The following SGCE variants were observed in gnomAD, a reference collection of about 807,000 sequenced individuals.
The protein encoded by SGCE is sarcoglycan epsilon.
SGCE carries 26 observed loss-of-function variants against 57.8 expected under a neutral mutation model. The observed-to-expected ratio is 0.45, with a 90% CI of 0.33 to 0.62. SGCE has a LOEUF of 0.62. SGCE is among the 20% of genes least tolerant of loss of function. The pLI, the probability that SGCE is intolerant of heterozygous loss-of-function variation, is 0.02. For missense variants in SGCE, 468 were observed against 548.6 expected, an observed-to-expected ratio of 0.85 and a Z score of 1.47; for synonymous variants, 183 against 189.5, an observed-to-expected ratio of 0.97 and a Z score of 0.28.
At chr7:94,617,239 T>G (rs1165411537) in intron 5 of SGCE, 1 of 152,240 alleles carries the variant, frequency 6.6e-6, no homozygotes, top group African/African-American at 2.4e-5. Context: ...AAAGCAGTGC[T>G]TTAGGTCACA....
At chr7:94,608,671 T>G (rs1248815918) in intron 5 of SGCE, among the ~76,000 whole-genome samples, 1 of 152,124 alleles carries the variant, frequency 6.6e-6, no homozygotes, top group East Asian at 1.9e-4. Context: ...AACATCAAGA[T>G]TTACTATAAA....
chr7:94,629,849 C>T lies in SGCE; in HGVS notation c.110-8G>A, dbSNP rs1438387150. 15 of 1,609,970 alleles carry T rather than the reference C, an allele frequency of 9.3e-6. No homozygotes were observed. The highest frequency in any genetic ancestry group is 1.7e-6 in the Non-Finnish European group (2 of 1,177,178). On this transcript the variant is annotated splice_polypyrimidine_tract_variant and splice_region_variant and intron_variant, in intron 1 of 10. Coordinates refer to ENST00000648936, the MANE Select transcript of SGCE (RefSeq NM_003919.3). ...TGGAGAAAATACTGTACACTGAAAA[C>T]AAAGAGGAAAGATAAGTGACAGAAA...
intron 10 of SGCE, chr7:94,588,467 T>C: frequency 7.4e-7 from 1 of 1,358,798 alleles, no homozygotes; most frequent in Non-Finnish European, 9.5e-7. Flanking sequence ...CCTCCATGGA[T>C]GCTTTTGCTC....
At chr7:94,633,819 C>G (rs1040597613) in intron 1 of SGCE, among the ~76,000 whole-genome samples, 1 of 152,078 alleles carries the variant, frequency 6.6e-6, no homozygotes, top group Non-Finnish European at 1.5e-5. Flanking sequence ...GCCAATGAAT[C>G]CACAGCATAT....
intron 1 of SGCE, among the ~76,000 whole-genome samples, chr7:94,647,548 T>C (rs1039626352): frequency 2.6e-5 from 4 of 152,196 alleles, no homozygotes; most frequent in African/African-American, 9.7e-5. Context: ...CCTGGTTAAA[T>C]CCCTGCAAAG....
intron 5 of SGCE, chr7:94,617,451 C>G (rs529661843): frequency 6.6e-6 from 1 of 152,292 alleles, no homozygotes; most frequent in South Asian, 2.1e-4. Context: ...GAACACATTA[C>G]CTTAAGAAAA....
chr7:94,613,938 T>C (rs1801459895), intron 5 of SGCE, among the ~76,000 whole-genome samples: 1 of 151,688 alleles, frequency 6.6e-6, no homozygotes. Context: ...AGATACAAAA[T>C]AAAGAATGAA....
At chr7:94,639,255 A>G in intron 1 of SGCE, 1 of 841,614 alleles carries the variant, frequency 1.2e-6, no homozygotes, top group Non-Finnish European at 1.8e-6. Context: ...AAAAAGCCAC[A>G]CATGACTAAA....
At chr7:94,619,716 G>C (rs1008074751) in intron 4 of SGCE, 7 of 152,150 alleles carry the variant, frequency 4.6e-5, no homozygotes, top group Admixed American at 4.6e-4. Context: ...TGTGAGGCAG[G>C]CCAAGCTAGG....
chr7:94,591,874 T>G (rs1319564102), intron 9 of SGCE, among the ~76,000 whole-genome samples: 2 of 152,170 alleles, frequency 1.3e-5, no homozygotes, highest in Non-Finnish European at 2.9e-5. Context: ...ACTGTGTGTC[T>G]TATATTGATT....
intron 1 of SGCE, among the ~76,000 whole-genome samples, chr7:94,647,679 C>T (rs1807293605): frequency 6.6e-6 from 1 of 152,230 alleles, no homozygotes; most frequent in Non-Finnish European, 1.5e-5. Context: ...CCTTTTACTG[C>T]TCCAACGCCA....
intron 4 of SGCE, chr7:94,619,761 A>C (rs1229151597): frequency 6.6e-6 from 1 of 152,232 alleles, no homozygotes; most frequent in East Asian, 1.9e-4. Context: ...AATTCTCACA[A>C]CAAGAGGGTG....
intron 5 of SGCE, among the ~76,000 whole-genome samples, chr7:94,607,273 C>T (rs1188883600): frequency 1.3e-5 from 2 of 152,076 alleles, no homozygotes; most frequent in Non-Finnish European, 2.9e-5. Context: ...AGACAAAAGC[C>T]AAAAGAATAC....
intron 1 of SGCE, among the ~76,000 whole-genome samples, chr7:94,640,533 G>A (rs1387761733): frequency 6.6e-6 from 1 of 152,078 alleles, no homozygotes; most frequent in Non-Finnish European, 1.5e-5. Flanking sequence ...TACAATATTG[G>A]CTCTCCATCC....
intron 1 of SGCE, among the ~76,000 whole-genome samples, chr7:94,651,964 T>A (rs1807947685): frequency 6.6e-6 from 1 of 152,048 alleles, no homozygotes; most frequent in South Asian, 2.1e-4. Context: ...CTCGTACTGC[T>A]ACTTTAGGCT....
intron 5 of SGCE, chr7:94,618,437 T>C (rs1418864965): frequency 7.9e-6 from 2 of 252,708 alleles, no homozygotes; most frequent in South Asian, 1.3e-4. Flanking sequence ...AGCTAATAAC[T>C]GGGGCGTCAA....
intron 5 of SGCE, among the ~76,000 whole-genome samples, chr7:94,604,734 G>A (rs774414255): frequency 2.1e-5 from 3 of 140,816 alleles, no homozygotes; most frequent in Admixed American, 7.4e-5. Context: ...GAAATTTATG[G>A]TCTTGAGGCA....
intron 1 of SGCE, among the ~76,000 whole-genome samples, chr7:94,641,444 T>C (rs1487613226): frequency 6.6e-6 from 1 of 152,180 alleles, no homozygotes; most frequent in Non-Finnish European, 1.5e-5. Context: ...ATGACATATT[T>C]TGTATCTAAA....
intron 5 of SGCE, among the ~76,000 whole-genome samples, chr7:94,616,361 C>A (rs1801939017): frequency 6.6e-6 from 1 of 152,094 alleles, no homozygotes; most frequent in African/African-American, 2.4e-5. Context: ...TTTCTTAAAT[C>A]TGGGACTAAG....
Sources: allele counts gnomAD v4.1 joint callset (sites outside exome capture counted in the v4.1 genomes callset), GRCh38; gene constraint gnomAD v4.1.1; transcripts MANE v1.5; gene names NCBI Gene and HGNC (gene_info 2026-07-23, HGNC 2026-07-21).